ENTREP2: variants seen among roughly 807,000 people sequenced by gnomAD.
ENTREP2 encodes the protein endosomal transmembrane epsin interactor 2.
At chr15:29,408,084 T>C in the ENTREP2 span, among the ~76,000 whole-genome samples, 1 of 152,134 alleles carries the variant, frequency 6.6e-6, no homozygotes, top group African/African-American at 2.4e-5. Flanking sequence ...GACAGAAATT[T>C]TAGGTTGCAG....
chr15:29,507,174 T>C, the ENTREP2 span, among the ~76,000 whole-genome samples: 3 of 152,072 alleles, frequency 2.0e-5, no homozygotes, highest in Non-Finnish European at 4.4e-5. Context: ...GATTACATAA[T>C]GGTAAAAGAA....
At chr15:29,261,803 G>A in the ENTREP2 span, among the ~76,000 whole-genome samples, 1 of 151,476 alleles carries the variant, frequency 6.6e-6, no homozygotes, top group Non-Finnish European at 1.5e-5. Flanking sequence ...ATTTAGCATT[G>A]AATATAACAA....
the ENTREP2 span, among the ~76,000 whole-genome samples, chr15:29,585,105 C>T: frequency 6.6e-6 from 1 of 152,006 alleles, no homozygotes; most frequent in African/African-American, 2.4e-5. Flanking sequence ...TGTTGCATTC[C>T]TCTTATATAC....
At chr15:29,277,923 A>G in the ENTREP2 span, among the ~76,000 whole-genome samples, 15 of 152,258 alleles carry the variant, frequency 9.9e-5, no homozygotes, top group Non-Finnish European at 2.1e-4. Flanking sequence ...CGAATAGGTT[A>G]TGAGAAAACT....
At chr15:29,304,232 T>C in the ENTREP2 span, among the ~76,000 whole-genome samples, 2 of 152,166 alleles carry the variant, frequency 1.3e-5, no homozygotes, top group Non-Finnish European at 2.9e-5. Context: ...GAACAGATCA[T>C]CGAGGCAGAA....
chr15:29,347,932 C>T, the ENTREP2 span, among the ~76,000 whole-genome samples: 1 of 152,136 alleles, frequency 6.6e-6, no homozygotes, highest in Non-Finnish European at 1.5e-5. Flanking sequence ...ACCAAACTTC[C>T]ATTCACTGTC....
chr15:29,539,201 T>G, the ENTREP2 span, among the ~76,000 whole-genome samples: 1 of 102,326 alleles, frequency 9.8e-6, no homozygotes, highest in South Asian at 3.6e-4. Context: ...CTCCCAATCC[T>G]CTCCCCACCC....
chr15:29,195,242 C>T, the ENTREP2 span: 10 of 985,352 alleles, frequency 1.0e-5, no homozygotes, highest in Non-Finnish European at 1.2e-5. Flanking sequence ...ACATGACAGG[C>T]GCTGTGAGCC....
the ENTREP2 span, among the ~76,000 whole-genome samples, chr15:29,622,812 A>G: frequency 6.6e-6 from 1 of 152,190 alleles, no homozygotes; most frequent in South Asian, 2.1e-4. Context: ...TAGTTCTGCC[A>G]AGTCAGCACC....
chr15:29,142,434 C>T, the ENTREP2 span, among the ~76,000 whole-genome samples: 1 of 152,248 alleles, frequency 6.6e-6, no homozygotes, highest in Non-Finnish European at 1.5e-5. Context: ...TGTCCAGAGA[C>T]AATTCTGTGG....
chr15:29,450,719 G>A, the ENTREP2 span, among the ~76,000 whole-genome samples: 1 of 152,162 alleles, frequency 6.6e-6, no homozygotes, highest in Non-Finnish European at 1.5e-5. Flanking sequence ...CAACCTAAAT[G>A]CCCATCAATG....
At chr15:29,159,333 T>C in the ENTREP2 span, among the ~76,000 whole-genome samples, 2 of 152,102 alleles carry the variant, frequency 1.3e-5, no homozygotes, top group African/African-American at 4.8e-5. Context: ...GCTGCAGACC[T>C]TCACGGTGTT....
the ENTREP2 span, among the ~76,000 whole-genome samples, chr15:29,399,983 A>G: frequency 5.9e-5 from 9 of 152,198 alleles, no homozygotes; most frequent in East Asian, 9.6e-4. Context: ...AAATCCACAT[A>G]TAAGTGGACC....
chr15:29,200,554 C>T, the ENTREP2 span, among the ~76,000 whole-genome samples: 1 of 151,752 alleles, frequency 6.6e-6, no homozygotes, highest in Non-Finnish European at 1.5e-5. Context: ...TTGAATCAAA[C>T]CCAGTTTCTT....
At chr15:29,617,740 C>T in the ENTREP2 span, among the ~76,000 whole-genome samples, 58 of 152,276 alleles carry the variant, frequency 3.8e-4, no homozygotes, top group African/African-American at 1.3e-3. Context: ...GGGCAGGAGG[C>T]GCTCTTATGT....
chr15:29,327,315 C>A, the ENTREP2 span, among the ~76,000 whole-genome samples: 62 of 152,166 alleles, frequency 4.1e-4, 1 homozygote, highest in Admixed American at 4.0e-3. Context: ...GGTGGCTGGG[C>A]GCGGTGGCTC....
At chr15:29,570,983 C>A in the ENTREP2 span, among the ~76,000 whole-genome samples, 7 of 145,308 alleles carry the variant, frequency 4.8e-5, no homozygotes, top group Non-Finnish European at 1.5e-5. Context: ...GCGCCCTCCC[C>A]CGCCCGCCCC....
the ENTREP2 span, among the ~76,000 whole-genome samples, chr15:29,184,709 C>A: frequency 6.6e-6 from 1 of 152,136 alleles, no homozygotes; most frequent in Non-Finnish European, 1.5e-5. Context: ...GAAACCAGCC[C>A]GGGACCAGCG....
the ENTREP2 span, among the ~76,000 whole-genome samples, chr15:29,577,127 A>AAAAG: frequency 4.6e-5 from 7 of 152,012 alleles, no homozygotes; most frequent in African/African-American, 9.7e-5. Context: ...TTTAAAAAAA[A>AAAAG]AAAGAAAGAA....
Sources: allele counts gnomAD v4.1 joint callset (sites outside exome capture counted in the v4.1 genomes callset), GRCh38; gene constraint gnomAD v4.1.1; transcripts MANE v1.5; gene names NCBI Gene and HGNC (gene_info 2026-07-23, HGNC 2026-07-21).